AGAP1: variants seen among roughly 807,000 people sequenced by gnomAD.
AGAP1 encodes the protein ArfGAP with GTPase domain, ankyrin repeat and PH domain 1, also known as arf-GAP with GTPase, ANK repeat and PH domain-containing protein 1.
Under a neutral mutation model 105.3 loss-of-function variants are expected in AGAP1, and 29 were observed. The observed-to-expected ratio is 0.28, with a 90% CI of 0.21 to 0.38. AGAP1 has a LOEUF of 0.38. AGAP1 is among the 10% of genes least tolerant of loss of function. The pLI, the probability that AGAP1 is intolerant of heterozygous loss-of-function variation, is 1.00. For synonymous variants in AGAP1, 509 were observed against 485.9 expected (o/e 1.05, Z -0.63); for missense variants, 998 against 1,165.1 (o/e 0.86, Z 2.09).
At position 236,119,724 on chromosome 2, in the gene AGAP1, G is replaced by A. The variant is rs2059855945; in HGVS notation, c.2115-468G>A. ...CGGAGACCGTGCTTCCATCGTGCTG[G>A]TCCCAGGCAGTAGGGTGGTTTCCCC... is the stretch of plus-strand genomic sequence containing the variant. On this transcript the variant is annotated intron_variant, in intron 16 of 17. Transcript: ENST00000304032. The surrounding 1 kb of genome is among the most constrained non-coding windows in gnomAD (Gnocchi z 6.6). Among the ~76,000 whole-genome samples the A allele has an allele frequency of 6.6e-6, 1 of 152,140 alleles. No individual in the cohort carries two copies. Among genetic ancestry groups the A allele is most frequent in the African/African-American group, 2.4e-5 (1 of 41,426 alleles).
rs780865142 is a variant in AGAP1 at position 235,582,194 on chromosome 2, G to A, written c.163+87345G>A. ...GGTCACCAGATGTGAGCCCTGGAGC[G>A]CATGATTGTGGTTTTGACCCATTCT... On this transcript the variant is annotated intron_variant, in intron 1 of 17. Coordinates refer to ENST00000304032, the MANE Select transcript of AGAP1 (RefSeq NM_001037131.3). This position sits in a 1 kb window ranked among gnomAD's most constrained non-coding sequence, Gnocchi z 4.7. Among the ~76,000 whole-genome samples the A allele has an allele frequency of 6.6e-5, 10 of 152,146 alleles. No homozygotes were observed. Among genetic ancestry groups the A allele is most frequent in the Admixed American group, 3.3e-4 (5 of 15,278 alleles).
Position 235,854,624 on chromosome 2 carries a change from G to A in AGAP1, c.1051-28721G>A, listed in dbSNP as rs183666736. On this transcript the variant is annotated intron_variant, in intron 9 of 17. Transcript: ENST00000304032. ...AACCCAGACCAGCTTGGAGCCTGGG[G>A]CTGCCGCGTCCGCTTACCAGTGGTG... Among the ~76,000 whole-genome samples the A allele has an allele frequency of 4.5e-4, 68 of 152,324 alleles. No individual in the cohort carries two copies. In the East Asian group the frequency reaches 0.012, roughly 28 times the overall value.
At chr2:235,850,347 G>C (rs1962046900) in intron 9 of AGAP1, among the ~76,000 whole-genome samples, 1 of 152,232 alleles carries the variant, frequency 6.6e-6, no homozygotes, top group Admixed American at 6.5e-5. Flanking sequence ...TTCCAATCTT[G>C]CTCTACTAAT....
rs1189241836 is a variant in AGAP1 at position 236,050,432 on chromosome 2, C to T, written c.2114+1151C>T. Among the ~76,000 whole-genome samples the T allele has an allele frequency of 6.6e-6, 1 of 152,170 alleles. No homozygotes were observed. The highest frequency in any genetic ancestry group is 1.5e-5 in the Non-Finnish European group (1 of 68,044). On this transcript the variant is annotated intron_variant, in intron 16 of 17. Transcript: ENST00000304032. The surrounding 1 kb of genome is among the most constrained non-coding windows in gnomAD (Gnocchi z 4.0). ...AAAATTGCATGGTTTTGATACGCGACCTCTTTATGAGTTATGCTCTATAGT... is the reference window on the plus strand; with the variant it reads ...AAAATTGCATGGTTTTGATACGCGATCTCTTTATGAGTTATGCTCTATAGT...
At chr2:235,548,385 C>T (rs1477472456) in intron 1 of AGAP1, among the ~76,000 whole-genome samples, 1 of 152,188 alleles carries the variant, frequency 6.6e-6, no homozygotes, top group African/African-American at 2.4e-5. Context: ...ATGGGCCAGG[C>T]GCAGTGGCTC....
intron 16 of AGAP1, among the ~76,000 whole-genome samples, chr2:236,063,473 GGAT>G (rs2058262675): frequency 6.6e-6 from 1 of 152,224 alleles, no homozygotes; most frequent in Non-Finnish European, 1.5e-5. Flanking sequence ...GCCATTGGGA[GGAT>G]GATGAGGCCT....
rs1208186092 is a variant in AGAP1 at position 235,535,430 on chromosome 2, T to G, written c.163+40581T>G. On this transcript the variant is annotated intron_variant, in intron 1 of 17. Transcript: ENST00000304032. This position sits in a 1 kb window ranked among gnomAD's most constrained non-coding sequence, Gnocchi z 5.1. ...CTACTAAATGAAATTAGAACTTCAC[T>G]GCCCTTTTTCTTTTTCCCATCGAGG... is the stretch of plus-strand genomic sequence containing the variant. Among the ~76,000 whole-genome samples the G allele has an allele frequency of 6.6e-6, 1 of 152,044 alleles. No individual in the cohort carries two copies. The highest frequency in any genetic ancestry group is 1.9e-4 in the East Asian group (1 of 5,182).
At chr2:235,924,412 T>C (rs1456024079) in intron 11 of AGAP1, among the ~76,000 whole-genome samples, 1 of 152,106 alleles carries the variant, frequency 6.6e-6, no homozygotes, top group Non-Finnish European at 1.5e-5. Context: ...AGATTGTAGG[T>C]TCCCTAAGAC....
intron 1 of AGAP1, among the ~76,000 whole-genome samples, chr2:235,644,267 A>T (rs1401675443): frequency 6.6e-6 from 1 of 152,180 alleles, no homozygotes; most frequent in Non-Finnish European, 1.5e-5. Context: ...TGATTAGATA[A>T]TACTGAGTGA....
chr2:236,068,924 C>T (rs1235327318), intron 16 of AGAP1, among the ~76,000 whole-genome samples: 5 of 151,574 alleles, frequency 3.3e-5, no homozygotes, highest in African/African-American at 9.7e-5. Flanking sequence ...GTCAGGAGAT[C>T]GAGACCATCC....
rs1420244416 is a variant in AGAP1, at chr2:235,665,626, T to A, written c.164-43553T>A. 6.6e-6 allele frequency among the ~76,000 whole-genome samples: 1 copy of A among 152,210 alleles called. No individual in the cohort carries two copies. Among genetic ancestry groups the A allele is most frequent in the Non-Finnish European group, 1.5e-5 (1 of 68,038 alleles). On this transcript the variant is annotated intron_variant, in intron 1 of 17. Transcript: ENST00000304032. The surrounding 1 kb of genome is among the most constrained non-coding windows in gnomAD (Gnocchi z 5.3). ...AAATATAAAAGTATTAATAAGACGT[T>A]ACTGTCTTGGTAATTGCTTCTTCTT... is the stretch of plus-strand genomic sequence containing the variant.
In AGAP1 at chr2:236,104,502, G is replaced by A. The variant is rs980115583; in HGVS notation, c.2115-15690G>A. 1.3e-5 allele frequency among the ~76,000 whole-genome samples: 2 copies of A among 152,234 alleles called. No individual in the cohort carries two copies. The highest frequency in any genetic ancestry group is 6.5e-5 in the Admixed American group (1 of 15,288). Reference sequence around the variant, plus strand: ...CCTTGTCCCTTCTCAGATTCCTTGGGGGCACAGGGCTGTGAGGGTCAGGAC... The same window carrying A: ...CCTTGTCCCTTCTCAGATTCCTTGGAGGCACAGGGCTGTGAGGGTCAGGAC... On this transcript the variant is annotated intron_variant, in intron 16 of 17. Coordinates refer to ENST00000304032, the MANE Select transcript of AGAP1 (RefSeq NM_001037131.3). This position sits in a 1 kb window ranked among gnomAD's most constrained non-coding sequence, Gnocchi z 4.7.
chr2:235,683,945 G>A (rs1949238301), intron 1 of AGAP1, among the ~76,000 whole-genome samples: 1 of 151,798 alleles, frequency 6.6e-6, no homozygotes, highest in Non-Finnish European at 1.5e-5. Context: ...AGAACACATG[G>A]TGTGTTTGGT....
chr2:236,111,355 CA>C (rs11464598), intron 16 of AGAP1, among the ~76,000 whole-genome samples: 34 of 144,592 alleles, frequency 2.4e-4, no homozygotes, highest in African/African-American at 2.3e-4. Flanking sequence ...CCTATCTCTA[CA>C]AAAAAAAAAA....
At position 235,900,297 on chromosome 2, in the gene AGAP1, A is replaced by T. The variant is rs941316491; in HGVS notation, c.1156-8441A>T. ...GTCTGGGTCAGTCACTCCAGCCAAC[A>T]CTGTAACTTCCTTCTTAGCCTGTTG... On this transcript the variant is annotated intron_variant, in intron 10 of 17. Transcript: ENST00000304032. The surrounding 1 kb of genome is among the most constrained non-coding windows in gnomAD (Gnocchi z 5.5). 5.3e-5 allele frequency among the ~76,000 whole-genome samples: 8 copies of T among 151,970 alleles called. No homozygotes were observed. The highest frequency in any genetic ancestry group is 1.9e-4 in the African/African-American group (8 of 41,388).
intron 16 of AGAP1, 116 bp downstream of exon 16, chr2:236,049,397 G>A: frequency 1.1e-6 from 1 of 922,768 alleles, no homozygotes; most frequent in Non-Finnish European, 1.6e-6. Flanking sequence ...AGGAATTCGG[G>A]AATTCCGATT....
At chr2:235,698,177 G>A (rs1168800405) in intron 1 of AGAP1, among the ~76,000 whole-genome samples, 2 of 152,138 alleles carry the variant, frequency 1.3e-5, no homozygotes, top group Non-Finnish European at 2.9e-5. Context: ...TTGCACTCCT[G>A]TGAGACTCTA....
chr2:235,572,458 C>G (rs964059172), intron 1 of AGAP1, among the ~76,000 whole-genome samples: 7 of 152,038 alleles, frequency 4.6e-5, no homozygotes, highest in African/African-American at 9.7e-5. Flanking sequence ...GCACCACCAC[C>G]CTTCCCCCGC....
chr2:235,672,234 C>A (rs1948474523), intron 1 of AGAP1, among the ~76,000 whole-genome samples: 1 of 152,076 alleles, frequency 6.6e-6, no homozygotes, highest in African/African-American at 2.4e-5. Flanking sequence ...TATGTTAAAA[C>A]CAACTCATGC....
Sources: gnomAD v4.1 joint callset for allele counts (sites outside exome capture counted in the v4.1 genomes callset) on GRCh38, gnomAD v4.1.1 for gene constraint, Gnocchi (gnomAD v3.1) non-coding constraint, MANE v1.5 for transcripts, NCBI Gene and HGNC (gene_info 2026-07-23, HGNC 2026-07-21) for gene names.